The following FANCC variants were observed in gnomAD, a reference collection of about 807,000 sequenced individuals.
The protein encoded by FANCC is Fanconi anemia group C protein.
In FANCC, 55 loss-of-function variants were observed where a neutral mutation model predicts 71.3. The ratio of observed to expected loss-of-function variants is 0.77; its 90% CI spans 0.62 to 0.97. The LOEUF (loss-of-function observed/expected upper bound fraction) is 0.97, where lower values mean the gene tolerates loss of function less well. FANCC is among the 50% of genes least tolerant of loss of function. The pLI is 0.00. For missense variants in FANCC, 678 were observed against 670.9 expected, an observed-to-expected ratio of 1.01 and a Z score of -0.12; for synonymous variants, 275 against 244.9, an observed-to-expected ratio of 1.12 and a Z score of -1.15.
At chr9:95,178,611 A>C (rs1826157544) in intron 4 of FANCC, among the ~76,000 whole-genome samples, 2 of 152,228 alleles carry the variant, frequency 1.3e-5, no homozygotes, top group Admixed American at 1.3e-4. Context: ...CGGAGGCAGG[A>C]AGAGACGCAG....
At chr9:95,251,528 C>T (rs888466985) in intron 1 of FANCC, among the ~76,000 whole-genome samples, 10 of 151,944 alleles carry the variant, frequency 6.6e-5, no homozygotes, top group South Asian at 2.1e-4. Flanking sequence ...GTTGGCTAGG[C>T]GGGTCTCGAC....
At chr9:95,105,559 G>T (rs1564639313) in intron 14 of FANCC, among the ~76,000 whole-genome samples, 1 of 152,168 alleles carries the variant, frequency 6.6e-6, no homozygotes, top group African/African-American at 2.4e-5. Flanking sequence ...ACCCATTTGT[G>T]TAATTTGGTG....
chr9:95,198,745 G>T (rs796929604), intron 4 of FANCC, among the ~76,000 whole-genome samples: 29 of 152,164 alleles, frequency 1.9e-4, no homozygotes, highest in African/African-American at 6.7e-4. Context: ...TGTGTGTGTG[G>T]GGGAGGGGAG....
intron 11 of FANCC, among the ~76,000 whole-genome samples, chr9:95,114,996 A>G (rs992567393): frequency 2.0e-5 from 3 of 152,184 alleles, no homozygotes; most frequent in Admixed American, 2.0e-4. Flanking sequence ...GCTGGAGTGC[A>G]GTGGTACGAT....
Position 95,099,209 on chromosome 9 carries a change from C to T in FANCC, c.*2498G>A, listed in dbSNP as rs2071002086. On this transcript the variant is annotated 3_prime_UTR_variant, in exon 15 of 15. Coordinates refer to ENST00000289081, the MANE Select transcript of FANCC (RefSeq NM_000136.3). The stretch of plus-strand genomic sequence containing the variant: ...GCCTCTTCTGTATTTTTGGCTCTCT[C>T]TGAGGGTAGTGGTTTTACCAGCATG... 1 of 217,678 alleles carries T rather than the reference C, an allele frequency of 4.6e-6. No individual in the cohort carries two copies. The highest frequency in any genetic ancestry group is 2.3e-5 in the African/African-American group (1 of 44,364). The allele number at this position is 217,678 out of a possible 1,614,324, so 13.5% of individuals were successfully genotyped here. A position where few individuals can be genotyped will look rare whatever the true frequency, so the allele number is the denominator to read the frequency against.
chr9:95,101,457 C>A lies in FANCC; in HGVS notation c.*250G>T. 1 of 555,436 alleles carries A rather than the reference C, an allele frequency of 1.8e-6. No individual in the cohort carries two copies. Among genetic ancestry groups the A allele is most frequent in the Non-Finnish European group, 3.2e-6 (1 of 308,634 alleles). 34.4% of individuals were successfully genotyped at this position (555,436 alleles called of 1,614,324 possible). On this transcript the variant is annotated 3_prime_UTR_variant, in exon 15 of 15. Coordinates refer to ENST00000289081, the MANE Select transcript of FANCC (RefSeq NM_000136.3). ...TTATCAAGCTGACGGTCTGGCCGGG[C>A]GGGCACCAGGAGTACCGAAGGCTCA...
intron 1 of FANCC, among the ~76,000 whole-genome samples, chr9:95,310,293 G>A (rs1354780768): frequency 6.6e-6 from 1 of 151,950 alleles, no homozygotes; most frequent in Admixed American, 6.6e-5. Flanking sequence ...CTGGAGCCCA[G>A]GAGTTTGAGG....
At chr9:95,252,285 A>AG (rs1831386907) in intron 1 of FANCC, among the ~76,000 whole-genome samples, 1 of 149,694 alleles carries the variant, frequency 6.7e-6, no homozygotes, top group Admixed American at 6.6e-5. Flanking sequence ...AAAAAAAAAA[A>AG]AAAAAAAAAG....
intron 4 of FANCC, among the ~76,000 whole-genome samples, chr9:95,182,295 C>A (rs1026628593): frequency 2.0e-5 from 3 of 151,396 alleles, no homozygotes; most frequent in South Asian, 4.2e-4. Context: ...CCGAGGCAGG[C>A]GGATCACAAG....
intron 1 of FANCC, among the ~76,000 whole-genome samples, chr9:95,287,187 C>T (rs758747008): frequency 3.3e-5 from 5 of 152,064 alleles, no homozygotes; most frequent in Non-Finnish European, 7.4e-5. Flanking sequence ...ATATCATGTA[C>T]GAGATGGAGC....
intron 4 of FANCC, among the ~76,000 whole-genome samples, chr9:95,235,936 G>A (rs556294315): frequency 3.5e-4 from 53 of 150,660 alleles, no homozygotes; most frequent in Non-Finnish European, 6.5e-4. Context: ...TATTTCCTTG[G>A]GTGGTGATTA....
At chr9:95,300,841 G>A (rs868025240) in intron 1 of FANCC, among the ~76,000 whole-genome samples, 2 of 152,146 alleles carry the variant, frequency 1.3e-5, no homozygotes, top group African/African-American at 4.8e-5. Context: ...ACACATCAGC[G>A]ACTGGGGGCT....
intron 4 of FANCC, among the ~76,000 whole-genome samples, chr9:95,184,175 T>C (rs1185996036): frequency 2.6e-5 from 4 of 152,288 alleles, no homozygotes; most frequent in Non-Finnish European, 5.9e-5. Context: ...ATTTTATTTA[T>C]TTACATAATT....
intron 6 of FANCC, among the ~76,000 whole-genome samples, chr9:95,154,921 T>G (rs1830371231): frequency 1.3e-5 from 2 of 151,866 alleles, no homozygotes; most frequent in Admixed American, 6.6e-5. Flanking sequence ...ATGAAAATAT[T>G]CATGCTAGGT....
rs775291697 is a variant in FANCC, at chr9:95,150,090, A to G, written c.522-3T>C. 2.5e-6 allele frequency: 4 copies of G among 1,613,966 alleles called. No individual in the cohort carries two copies. In the Admixed American group the frequency reaches 5.0e-5, roughly 20 times the overall value. ...ACGCCACTCGCTCGGGAGCCATTCT[A>G]TGGAAGAAATAAGAAATAATCACTC... On this transcript the variant is annotated splice_region_variant and splice_polypyrimidine_tract_variant and intron_variant, in intron 6 of 14. Transcript: ENST00000289081.
intron 4 of FANCC, among the ~76,000 whole-genome samples, chr9:95,216,634 C>T (rs1828881482): frequency 1.3e-5 from 2 of 152,196 alleles, no homozygotes; most frequent in South Asian, 2.1e-4. Context: ...TAATGTCTTC[C>T]TCCACGAAAA....
chr9:95,229,277 G>A (rs528160405), intron 4 of FANCC, among the ~76,000 whole-genome samples: 3 of 142,154 alleles, frequency 2.1e-5, no homozygotes, highest in Non-Finnish European at 4.5e-5. Flanking sequence ...CAGCCTGAGC[G>A]ACAGGGTGAG....
chr9:95,196,782 G>C (rs1037928029), intron 4 of FANCC, among the ~76,000 whole-genome samples: 4 of 152,116 alleles, frequency 2.6e-5, no homozygotes, highest in African/African-American at 9.7e-5. Context: ...TCAAGTAAAA[G>C]GTTCACCAGG....
At chr9:95,286,686 C>T (rs1833707492) in intron 1 of FANCC, among the ~76,000 whole-genome samples, 1 of 152,092 alleles carries the variant, frequency 6.6e-6, no homozygotes, top group Non-Finnish European at 1.5e-5. Context: ...ATTTCACAAA[C>T]CAGAAGAGTC....
Sources: allele counts gnomAD v4.1 joint callset (sites outside exome capture counted in the v4.1 genomes callset), GRCh38; gene constraint gnomAD v4.1.1; transcripts MANE v1.5; gene names NCBI Gene and HGNC (gene_info 2026-07-23, HGNC 2026-07-21).